KCNQ1: variants seen among roughly 807,000 people sequenced by gnomAD.
KCNQ1 encodes potassium voltage-gated channel subfamily Q member 1, also known as potassium voltage-gated channel subfamily KQT member 1.
In KCNQ1, 49 loss-of-function variants were observed where a neutral mutation model predicts 72.4. That is an observed-to-expected ratio of 0.68 (90% CI 0.54 to 0.86). The LOEUF is 0.86. Ranked by LOEUF, KCNQ1 falls within the 40% of genes least tolerant of loss-of-function variation. KCNQ1 has a pLI of 0.00. For synonymous variants in KCNQ1, 450 were observed against 412.6 expected (o/e 1.09, Z -1.10); for missense variants, 790 against 945.1 (o/e 0.84, Z 2.15).
rs1564886541 is a variant in KCNQ1, at chr11:2,769,157, G to A, written c.1590+238G>A. ...CGGCCTGGAACCAGGGACACATGCA[G>A]TGTCTTCTTCACCAAGTAGAAGGCA... is the stretch of plus-strand genomic sequence containing the variant. On this transcript the variant is annotated intron_variant, in intron 12 of 15. Transcript: ENST00000155840. This position sits in a 1 kb window ranked among gnomAD's most constrained non-coding sequence, Gnocchi z 4.6. Among the ~76,000 whole-genome samples the A allele has an allele frequency of 6.6e-6, 1 of 152,138 alleles. No homozygotes were observed. The highest frequency in any genetic ancestry group is 2.4e-5 in the African/African-American group (1 of 41,426).
chr11:2,776,075 G>T, intron 13 of KCNQ1, 21 bp downstream of exon 13: 2 of 1,542,272 alleles, frequency 1.3e-6, no homozygotes, highest in Non-Finnish European at 1.8e-6. Context: ...CCAAACGGCA[G>T]CGGGGAGGGT....
chr11:2,538,741 C>T lies in KCNQ1; in HGVS notation c.477+10723C>T, dbSNP rs541111509. Among the ~76,000 whole-genome samples the T allele has an allele frequency of 4.8e-4, 72 of 150,792 alleles. No individual in the cohort carries two copies. The highest frequency in any genetic ancestry group is 1.7e-3 in the African/African-American group (71 of 40,934). On this transcript the variant is annotated intron_variant, in intron 2 of 15. Coordinates refer to ENST00000155840, the MANE Select transcript of KCNQ1 (RefSeq NM_000218.3). The surrounding 1 kb of genome is among the most constrained non-coding windows in gnomAD (Gnocchi z 6.7). ...ACAAAGGCTTCCTCTGTGCAGCCCA[C>T]ACACGGGCCTCACGTTATCTTCTGC...
In KCNQ1 at chr11:2,572,052, C is replaced by T. The variant is rs1358413257; in HGVS notation, c.723C>T (p.Val241=). 17 of 1,612,946 alleles carry T rather than the reference C, an allele frequency of 1.1e-5. No individual in the cohort carries two copies. The highest frequency in any genetic ancestry group is 2.2e-5 in the East Asian group (1 of 44,866). ...TGCAGATCCTGAGGATGCTACACGT[C>T]GACCGCCAGGGAGGCACCTGGAGGC... The part of the protein sequence containing the change: ...RFLQILRMLH[V]DRQGGTWRLL... The change falls in exon 5 of 16, where the codon GTC becomes GTT. Residue 241 remains valine (V), a synonymous_variant. Transcript: ENST00000155840.
Position 2,735,967 on chromosome 11 carries a change from C to A in KCNQ1, c.1515-32877C>A, listed in dbSNP as rs1270744277. ...GGAGGTGGGTGAGAGGACCCCACGC[C>A]CTTCCTCCAGTGTGTCTGGAGCCCC... On this transcript the variant is annotated intron_variant, in intron 11 of 15. Coordinates refer to ENST00000155840, the MANE Select transcript of KCNQ1 (RefSeq NM_000218.3). The surrounding 1 kb of genome is among the most constrained non-coding windows in gnomAD (Gnocchi z 7.7). Among the ~76,000 whole-genome samples the A allele has an allele frequency of 6.6e-6, 1 of 152,186 alleles. No individual in the cohort carries two copies. The highest frequency in any genetic ancestry group is 1.9e-4 in the East Asian group (1 of 5,184).
In KCNQ1 at chr11:2,602,284, A is replaced by T. The variant is rs555381513; in HGVS notation, c.1393+13430A>T. Reference sequence around the variant, plus strand: ...CTGGCCTCTAGAACTGTGAGAAAAAAAAAAAAAGCGTGTCTTGTTTTAAGC... The same window carrying T: ...CTGGCCTCTAGAACTGTGAGAAAAATAAAAAAAGCGTGTCTTGTTTTAAGC... On this transcript the variant is annotated intron_variant, in intron 10 of 15. Coordinates refer to ENST00000155840, the MANE Select transcript of KCNQ1 (RefSeq NM_000218.3). The surrounding 1 kb of genome is among the most constrained non-coding windows in gnomAD (Gnocchi z 4.8). Among the ~76,000 whole-genome samples, 22 of 152,310 alleles carry T rather than the reference A, an allele frequency of 1.4e-4. No individual in the cohort carries two copies. The highest frequency in any genetic ancestry group is 1.9e-4 in the African/African-American group (8 of 41,562).
At position 2,626,592 on chromosome 11, in the gene KCNQ1, T is replaced by C; in HGVS notation, c.1394-35369T>C. The C allele has an allele frequency of 2.5e-6, 1 of 398,644 alleles. No individual in the cohort carries two copies. The highest frequency in any genetic ancestry group is 4.4e-6 in the Non-Finnish European group (1 of 226,098). 24.7% of individuals were successfully genotyped at this position (398,644 alleles called of 1,614,324 possible). ...TGCCCACGCTGGAGTACAGTGGCAT[T>C]ATCACTGCTTACTGCCACCTCAATC... On this transcript the variant is annotated intron_variant, in intron 10 of 15. Coordinates refer to ENST00000155840, the MANE Select transcript of KCNQ1 (RefSeq NM_000218.3). The surrounding 1 kb of genome is among the most constrained non-coding windows in gnomAD (Gnocchi z 4.0).
intron 15 of KCNQ1, among the ~76,000 whole-genome samples, chr11:2,812,009 C>T (rs1489106897): frequency 6.6e-6 from 1 of 152,152 alleles, no homozygotes. Flanking sequence ...TGCCGCCTCT[C>T]GTTCCTGTCC....
rs139306985 is a variant in KCNQ1, at chr11:2,776,180, C to G, written c.1685+126C>G. 2.8e-3 allele frequency: 2,237 copies of G among 809,730 alleles called. 20 individuals carry two copies. The highest frequency in any genetic ancestry group is 0.022 in the African/African-American group (1,310 of 59,118). 50.2% of individuals were successfully genotyped at this position (809,730 alleles called of 1,614,324 possible). A position where few individuals can be genotyped will look rare whatever the true frequency, so the allele number is the denominator to read the frequency against. On this transcript the variant is annotated intron_variant, in intron 13 of 15. Transcript: ENST00000155840. ...CTGAGTTCTTGCCTCTCAACCACCCCCTTCTCCTCACCACCCCCAGCCCTG... is the reference window on the plus strand; with the variant it reads ...CTGAGTTCTTGCCTCTCAACCACCCGCTTCTCCTCACCACCCCCAGCCCTG...
At chr11:2,825,954 C>T (rs1333205578) in intron 15 of KCNQ1, among the ~76,000 whole-genome samples, 1 of 152,228 alleles carries the variant, frequency 6.6e-6, no homozygotes, top group East Asian at 1.9e-4. Context: ...ATCCTGTCCC[C>T]ATTGGCATGG....
At chr11:2,719,331 C>CCAAA (rs34315728) in intron 11 of KCNQ1, among the ~76,000 whole-genome samples, 10 of 126,024 alleles carry the variant, frequency 7.9e-5, no homozygotes, top group Admixed American at 3.3e-4. Context: ...CTGTCTCTAC[C>CCAAA]AAAAAAAAAA....
chr11:2,681,856 A>T, intron 11 of KCNQ1: 2 of 398,558 alleles, frequency 5.0e-6, no homozygotes, highest in Non-Finnish European at 8.8e-6. Flanking sequence ...AGGTACTCCA[A>T]AGGAGGCCCA....
At chr11:2,561,295 G>A (rs7926356) in intron 2 of KCNQ1, among the ~76,000 whole-genome samples, 12,092 of 152,252 alleles carry the variant, frequency 0.079, 631 homozygotes, top group East Asian at 0.23. Context: ...GCCAGGTGAC[G>A]TGGAGGGCCC....
chr11:2,815,943 G>A lies in KCNQ1; in HGVS notation c.1795-31824G>A, dbSNP rs373838412. ...GCCGCACACCTGTCAGGGTGGAGGGGACTTGGGGGACCAGCCAGCTGGATA... is the reference window on the plus strand; with the variant it reads ...GCCGCACACCTGTCAGGGTGGAGGGAACTTGGGGGACCAGCCAGCTGGATA... On this transcript the variant is annotated intron_variant, in intron 15 of 15. Coordinates refer to ENST00000155840, the MANE Select transcript of KCNQ1 (RefSeq NM_000218.3). This position sits in a 1 kb window ranked among gnomAD's most constrained non-coding sequence, Gnocchi z 5.4. Among the ~76,000 whole-genome samples the A allele has an allele frequency of 1.3e-5, 2 of 152,200 alleles. No individual in the cohort carries two copies. Among genetic ancestry groups the A allele is most frequent in the African/African-American group, 2.4e-5 (1 of 41,444 alleles).
chr11:2,657,770 C>CT lies in KCNQ1; in HGVS notation c.1394-4189dup. 2.5e-6 allele frequency: 1 copy of CT among 398,594 alleles called. No homozygotes were observed. Among genetic ancestry groups the CT allele is most frequent in the Non-Finnish European group, 4.4e-6 (1 of 226,062 alleles). The allele number at this position is 398,594 out of a possible 1,614,324, so 24.7% of individuals were successfully genotyped here. On this transcript the variant is annotated intron_variant, in intron 10 of 15. Coordinates refer to ENST00000155840, the MANE Select transcript of KCNQ1 (RefSeq NM_000218.3). This position sits in a 1 kb window ranked among gnomAD's most constrained non-coding sequence, Gnocchi z 4.8. ...GCTTCTCAGTCTTGTTCTTCATTAACTTGACACTTTTGAAGAATACCAGTC... is the reference window on the plus strand; with the variant it reads ...GCTTCTCAGTCTTGTTCTTCATTAACTTTGACACTTTTGAAGAATACCAGTC...
chr11:2,812,535 C>T (rs1847511128), intron 15 of KCNQ1, among the ~76,000 whole-genome samples: 1 of 152,250 alleles, frequency 6.6e-6, no homozygotes, highest in Non-Finnish European at 1.5e-5. Context: ...GCGGGAACAG[C>T]ATGTATGAAG....
In KCNQ1 at chr11:2,817,868, C is replaced by G. The variant is rs1038608742; in HGVS notation, c.1795-29899C>G. Reference sequence around the variant, plus strand: ...ATGTTAGAAACCTCTGGCACTCTCCCCTCCCCAGCCAGCACCTACCAGCTT... The same window carrying G: ...ATGTTAGAAACCTCTGGCACTCTCCGCTCCCCAGCCAGCACCTACCAGCTT... On this transcript the variant is annotated intron_variant, in intron 15 of 15. Coordinates refer to ENST00000155840, the MANE Select transcript of KCNQ1 (RefSeq NM_000218.3). This position sits in a 1 kb window ranked among gnomAD's most constrained non-coding sequence, Gnocchi z 6.1. 6.6e-6 allele frequency among the ~76,000 whole-genome samples: 1 copy of G among 152,144 alleles called. No homozygotes were observed. The highest frequency in any genetic ancestry group is 1.5e-5 in the Non-Finnish European group (1 of 68,024).
chr11:2,790,983 GTC>G (rs1847010093), intron 15 of KCNQ1, among the ~76,000 whole-genome samples: 1 of 152,250 alleles, frequency 6.6e-6, no homozygotes, highest in South Asian at 2.1e-4. Flanking sequence ...CCACACTAGC[GTC>G]TCTCTTTCTT....
chr11:2,700,388 C>G (rs971076208), intron 11 of KCNQ1, among the ~76,000 whole-genome samples: 1 of 152,150 alleles, frequency 6.6e-6, no homozygotes, highest in African/African-American at 2.4e-5. Context: ...CCCGGGGTGA[C>G]CGCGTGAGGA....
rs1848768944 is a variant in KCNQ1 at position 2,599,206 on chromosome 11, A to T, written c.1393+10352A>T. Reference sequence around the variant, plus strand: ...TTCATATAATATTCAATGAAATAAAATACATGTGACATAATGAAGGCATTA... The same window carrying T: ...TTCATATAATATTCAATGAAATAAATTACATGTGACATAATGAAGGCATTA... On this transcript the variant is annotated intron_variant, in intron 10 of 15. Coordinates refer to ENST00000155840, the MANE Select transcript of KCNQ1 (RefSeq NM_000218.3). The surrounding 1 kb of genome is among the most constrained non-coding windows in gnomAD (Gnocchi z 4.7). 6.6e-6 allele frequency among the ~76,000 whole-genome samples: 1 copy of T among 152,218 alleles called. No individual in the cohort carries two copies. Among genetic ancestry groups the T allele is most frequent in the Non-Finnish European group, 1.5e-5 (1 of 68,038 alleles).
Sources: gnomAD v4.1 joint callset for allele counts (sites outside exome capture counted in the v4.1 genomes callset) on GRCh38, gnomAD v4.1.1 for gene constraint, Gnocchi (gnomAD v3.1) non-coding constraint, MANE v1.5 for transcripts, NCBI Gene and HGNC (gene_info 2026-07-23, HGNC 2026-07-21) for gene names.